Variants in TIMM21 observed in about 807,000 individuals in gnomAD.
TIMM21 encodes translocase of inner mitochondrial membrane 21, also known as mitochondrial import inner membrane translocase subunit Tim21.
Under a neutral mutation model 27.7 loss-of-function variants are expected in TIMM21, and 30 were observed. The ratio of observed to expected loss-of-function variants is 1.08; its 90% CI spans 0.81 to 1.47. The LOEUF (loss-of-function observed/expected upper bound fraction) is 1.47. TIMM21 is among the 40% of genes most tolerant of loss of function. The pLI, the probability that TIMM21 is intolerant of heterozygous loss-of-function variation, is 0.00. For synonymous variants in TIMM21, 121 were observed against 114.4 expected, an observed-to-expected ratio of 1.06 and a Z score of -0.37; for missense variants, 292 against 302.9, an observed-to-expected ratio of 0.96 and a Z score of 0.27.
rs759074180 is a variant in TIMM21, at chr18:74,158,177, T to C, written c.543T>C (p.Thr181=). The change falls in exon 5 of 6, where the codon ACT becomes ACC. Residue 181 remains threonine (T), a synonymous_variant. Coordinates refer to ENST00000169551, the MANE Select transcript of TIMM21 (RefSeq NM_014177.3). Reference sequence around the variant, plus strand: ...TCTTTCGTTTTCTCGACAGGTTCACTGAATATGTAAAAGATGGGCTGAAAC... The same window carrying C: ...TCTTTCGTTTTCTCGACAGGTTCACCGAATATGTAAAAGATGGGCTGAAAC... ...RRGRRQHVRF[T]EYVKDGLKHT... 2.0e-5 allele frequency: 32 copies of C among 1,614,018 alleles called. No individual in the cohort carries two copies. The highest frequency in any genetic ancestry group is 4.4e-5 in the South Asian group (4 of 91,088).
chr18:74,150,936 G>A (rs921477387), intron 1 of TIMM21, among the ~76,000 whole-genome samples: 2 of 152,164 alleles, frequency 1.3e-5, no homozygotes, highest in Admixed American at 6.5e-5. Context: ...TTCCCACTGC[G>A]ATGGCTCTTA....
rs181140231 is a variant in TIMM21, at chr18:74,158,261, T to C, written c.627T>C (p.Tyr209=). Reference sequence around the variant, plus strand: ...AGCCAGGGAAGCAAGGAACGGTGTATGCGCAAGTGAAAGAGGTGTGGGAAT... The same window carrying C: ...AGCCAGGGAAGCAAGGAACGGTGTACGCGCAAGTGAAAGAGGTGTGGGAAT... The part of the protein sequence containing the change: ...GSEPGKQGTV[Y]AQVKENPGSG... Residue 209 remains tyrosine, a synonymous_variant, in exon 5 of 6, where the codon TAT becomes TAC. Transcript: ENST00000169551. The C allele has an allele frequency of 6.2e-7, 1 of 1,614,138 alleles. No homozygotes were observed. Among genetic ancestry groups the C allele is most frequent in the Non-Finnish European group, 8.5e-7 (1 of 1,180,032 alleles).
chr18:74,148,714 G>A lies in TIMM21; in HGVS notation c.-95G>A. On this transcript the variant is annotated 5_prime_UTR_variant, in exon 1 of 6. Transcript: ENST00000169551. Reference sequence around the variant, plus strand: ...ACACCCCATGTAATGTAAACGTATAGGCTTGAGTACGTGTCCGGCCGCATG... The same window carrying A: ...ACACCCCATGTAATGTAAACGTATAAGCTTGAGTACGTGTCCGGCCGCATG... The A allele has an allele frequency of 7.8e-7, 1 of 1,288,440 alleles. No homozygotes were observed. The highest frequency in any genetic ancestry group is 1.1e-6 in the Non-Finnish European group (1 of 924,838). 79.8% of individuals were successfully genotyped at this position (1,288,440 alleles called of 1,614,324 possible).
intron 1 of TIMM21, among the ~76,000 whole-genome samples, chr18:74,151,572 T>C (rs1431805528): frequency 6.6e-6 from 1 of 152,202 alleles, no homozygotes; most frequent in Non-Finnish European, 1.5e-5. Context: ...TCCTGCTCTA[T>C]AAAGATGTAA....
chr18:74,157,972 TA>T, intron 3 of TIMM21, 41 bp from the exon 4 acceptor site: 4 of 1,597,468 alleles, frequency 2.5e-6, no homozygotes, highest in Non-Finnish European at 3.4e-6. Context: ...TTTAGAAGCT[TA>T]AAAAAATAAC....
rs79612020 is a variant in TIMM21, at chr18:74,157,802, G to A, written c.463-212G>A. On this transcript the variant is annotated intron_variant, in intron 3 of 5. Transcript: ENST00000169551. ...AGTAGAGACGGGGTTTCACCTAGTT[G>A]GCCAGGCTAGTCTTGAACTCCTGAC... 1.5e-4 allele frequency: 83 copies of A among 558,124 alleles called. No individual in the cohort carries two copies. The East Asian group carries it at 2.4e-3, about 16-fold the overall frequency. The allele number at this position is 558,124 out of a possible 1,614,324, so 34.6% of individuals were successfully genotyped here.
chr18:74,151,058 C>T (rs1979787433), intron 1 of TIMM21, among the ~76,000 whole-genome samples: 1 of 152,160 alleles, frequency 6.6e-6, no homozygotes, highest in Non-Finnish European at 1.5e-5. Flanking sequence ...AGTCCCTGGA[C>T]CCACCTGTGA....
intron 1 of TIMM21, among the ~76,000 whole-genome samples, chr18:74,149,548 G>T (rs1294532251): frequency 6.7e-6 from 1 of 148,472 alleles, no homozygotes; most frequent in Non-Finnish European, 1.5e-5. Context: ...GATATTTTAA[G>T]ATTTTTTTTT....
At chr18:74,157,156 A>G (rs1288473219) in intron 3 of TIMM21, 1 of 152,202 alleles carries the variant, frequency 6.6e-6, no homozygotes, top group Non-Finnish European at 1.5e-5. Context: ...AATAAAAACT[A>G]CATTTCTACT....
intron 1 of TIMM21, among the ~76,000 whole-genome samples, chr18:74,153,597 T>C (rs1031376733): frequency 2.0e-5 from 3 of 152,242 alleles, no homozygotes; most frequent in African/African-American, 7.2e-5. Flanking sequence ...GAAATTGGAT[T>C]TGTGACAATT....
In TIMM21 at chr18:74,156,491, A is replaced by T. The variant is rs1371755608; in HGVS notation, c.462+1088A>T. 10 of 391,162 alleles carry T rather than the reference A, an allele frequency of 2.6e-5. No homozygotes were observed. In the East Asian group the frequency reaches 3.6e-4, roughly 14 times the overall value. The allele number at this position is 391,162 out of a possible 1,614,324, so 24.2% of individuals were successfully genotyped here. A position where few individuals can be genotyped will look rare whatever the true frequency, so the allele number is the denominator to read the frequency against. On this transcript the variant is annotated intron_variant, in intron 3 of 5. Coordinates refer to ENST00000169551, the MANE Select transcript of TIMM21 (RefSeq NM_014177.3). ...GAGCTCTGGACAGCCAGTGGTAACC[A>T]TGGAGAAAGGCAGGGAGGATAAAGT...
At position 74,158,096 on chromosome 18, in the gene TIMM21, G is replaced by A. The variant is rs781636505; in HGVS notation, c.536+9G>A. 1 of 1,614,136 alleles carries A rather than the reference G, an allele frequency of 6.2e-7. No individual in the cohort carries two copies. Among genetic ancestry groups the A allele is most frequent in the South Asian group, 1.1e-5 (1 of 91,076 alleles). ...CGCCGGCAGCATGTCAGGTACTGTG[G>A]CTTGAATTCAGAGGAGGCTCTGGGG... On this transcript the variant is annotated intron_variant, in intron 4 of 5. Transcript: ENST00000169551.
At chr18:74,153,346 G>A (rs1330208311) in intron 1 of TIMM21, among the ~76,000 whole-genome samples, 1 of 152,196 alleles carries the variant, frequency 6.6e-6, no homozygotes, top group Non-Finnish European at 1.5e-5. Flanking sequence ...GATACCCTAA[G>A]CAAGGTAGGA....
At position 74,152,578 on chromosome 18, in the gene TIMM21, G is replaced by A. The variant is rs1979839492; in HGVS notation, c.302-2567G>A. ...CCATCCCAGGTCCCCATTGGTGAGA[G>A]CTGCATCAGCTGCACTACAGCTCTA... is the stretch of plus-strand genomic sequence containing the variant. On this transcript the variant is annotated intron_variant, in intron 1 of 5. Transcript: ENST00000169551. The surrounding 1 kb of genome is among the most constrained non-coding windows in gnomAD (Gnocchi z 4.1). 6.6e-6 allele frequency among the ~76,000 whole-genome samples: 1 copy of A among 152,184 alleles called. No individual in the cohort carries two copies. The highest frequency in any genetic ancestry group is 1.5e-5 in the Non-Finnish European group (1 of 68,042).
rs1252849833 is a variant in TIMM21, at chr18:74,159,642, A to G, written c.*1162A>G. On this transcript the variant is annotated 3_prime_UTR_variant, in exon 6 of 6. Transcript: ENST00000169551. ...GTTTTAGATGTTTTTAATTATAAAA[A>G]TTTCCAACATTTAAGGAGTATAGAA... The G allele has an allele frequency of 6.6e-6, 1 of 152,200 alleles. No individual in the cohort carries two copies. The highest frequency in any genetic ancestry group is 1.5e-5 in the Non-Finnish European group (1 of 68,040). 9.4% of individuals were successfully genotyped at this position (152,200 alleles called of 1,614,324 possible).
Position 74,158,084 on chromosome 18 carries a change from T to G in TIMM21, c.533T>G (p.Val178Gly). The G allele has an allele frequency of 6.2e-7, 1 of 1,614,154 alleles. No individual in the cohort carries two copies. Among genetic ancestry groups the G allele is most frequent in the Non-Finnish European group, 8.5e-7 (1 of 1,180,026 alleles). ...ACAAGGCGGGGTCGCCGGCAGCATGTCAGGTACTGTGGCTTGAATTCAGAG... is the reference window on the plus strand; with the variant it reads ...ACAAGGCGGGGTCGCCGGCAGCATGGCAGGTACTGTGGCTTGAATTCAGAG... Reference protein sequence around the residue: ...EVTRRGRRQHVRFTEYVKDGL... With the variant: ...EVTRRGRRQHGRFTEYVKDGL... Residue 178 changes from valine (V) to glycine (G), a missense_variant, in exon 4 of 6, where the codon GTC becomes GGC. Coordinates refer to ENST00000169551, the MANE Select transcript of TIMM21 (RefSeq NM_014177.3).
rs1354489059 is a variant in TIMM21 at position 74,155,028 on chromosome 18, C to CA, written c.302-116dup. The CA allele has an allele frequency of 1.2e-4, 115 of 935,672 alleles. No homozygotes were observed. The East Asian group carries it at 2.7e-3, about 22-fold the overall frequency. The allele number at this position is 935,672 out of a possible 1,614,324, so 58.0% of individuals were successfully genotyped here. On this transcript the variant is annotated intron_variant, in intron 1 of 5. Coordinates refer to ENST00000169551, the MANE Select transcript of TIMM21 (RefSeq NM_014177.3). ...CAAAACAGCTGCCCCTGAACACACA[C>CA]AGACCCCTTGCTTTGATCTGGAGGC...
At position 74,148,822 on chromosome 18, in the gene TIMM21, T is replaced by C. The variant is rs1417027264; in HGVS notation, c.14T>C (p.Phe5Ser). 1 of 1,603,230 alleles carries C rather than the reference T, an allele frequency of 6.2e-7. No individual in the cohort carries two copies. ...TTTTCCGTGAACATGATTTGTACTT[T>C]TCTACGAGCCGTACAGTATACGGAG... The part of the protein sequence containing the change: MICT[F>S]LRAVQYTEKL... The change falls in exon 1 of 6, where the codon TTT becomes TCT. Residue 5 changes from phenylalanine (F) to serine (S), a missense_variant. Coordinates refer to ENST00000169551, the MANE Select transcript of TIMM21 (RefSeq NM_014177.3).
At chr18:74,151,943 C>CCCCCT (rs1979817533) in intron 1 of TIMM21, among the ~76,000 whole-genome samples, 1 of 145,886 alleles carries the variant, frequency 6.9e-6, no homozygotes, top group African/African-American at 2.7e-5. Flanking sequence ...ATGTTCCCCC[C>CCCCCT]CCCCCCGGGG....
Sources: gnomAD v4.1 joint callset for allele counts (sites outside exome capture counted in the v4.1 genomes callset) on GRCh38, gnomAD v4.1.1 for gene constraint, Gnocchi (gnomAD v3.1) non-coding constraint, MANE v1.5 for transcripts, NCBI Gene and HGNC (gene_info 2026-07-23, HGNC 2026-07-21) for gene names.